The following CRIM1 variants were observed in gnomAD, a reference collection of about 807,000 sequenced individuals.
CRIM1 encodes the protein cysteine-rich motor neuron 1 protein.
Under a neutral mutation model 116.4 loss-of-function variants are expected in CRIM1, and 32 were observed. The ratio of observed to expected loss-of-function variants is 0.27; its 90% CI spans 0.21 to 0.37. The LOEUF (loss-of-function observed/expected upper bound fraction) is 0.37, where lower values mean the gene tolerates loss of function less well. Ranked by LOEUF, CRIM1 falls within the 10% of genes least tolerant of loss-of-function variation. The pLI, the probability that CRIM1 is intolerant of heterozygous loss-of-function variation, is 1.00. For synonymous variants in CRIM1, 590 were observed against 509.2 expected, an observed-to-expected ratio of 1.16 and a Z score of -2.13; for missense variants, 1,331 against 1,354.8, an observed-to-expected ratio of 0.98 and a Z score of 0.28.
At chr2:36,467,883 A>G (rs1389277626) in intron 5 of CRIM1, among the ~76,000 whole-genome samples, 1 of 152,240 alleles carries the variant, frequency 6.6e-6, no homozygotes, top group African/African-American at 2.4e-5. Flanking sequence ...GATTTTTCAT[A>G]TGGAAAGGAA....
At chr2:36,368,031 G>A (rs1048097505) in intron 1 of CRIM1, among the ~76,000 whole-genome samples, 1 of 152,244 alleles carries the variant, frequency 6.6e-6, no homozygotes, top group Non-Finnish European at 1.5e-5. Flanking sequence ...TCTGACACTA[G>A]GAGAGAGTTG....
rs1668773408 is a variant in CRIM1 at position 36,356,096 on chromosome 2, CTCGGGG to C, written c.-192_-187del. On this transcript the variant is annotated 5_prime_UTR_variant, in exon 1 of 17. Coordinates refer to ENST00000280527, the MANE Select transcript of CRIM1 (RefSeq NM_016441.3). This position sits in a 1 kb window ranked among gnomAD's most constrained non-coding sequence, Gnocchi z 4.3. ...TGCCGCCGGCGCCAAGGCTCGTGGGCTCGGGGTCGGCGCGGCCCGCAGAAGGGGCGG... is the reference window on the plus strand; with the variant it reads ...TGCCGCCGGCGCCAAGGCTCGTGGGCTCGGCGCGGCCCGCAGAAGGGGCGG... 6.4e-6 allele frequency: 1 copy of C among 155,850 alleles called. No individual in the cohort carries two copies. Among genetic ancestry groups the C allele is most frequent in the Non-Finnish European group, 1.4e-5 (1 of 71,446 alleles). 9.7% of individuals were successfully genotyped at this position (155,850 alleles called of 1,614,324 possible).
At position 36,533,886 on chromosome 2, in the gene CRIM1, C is replaced by T. The variant is rs115939320; in HGVS notation, c.2429-3466C>T. On this transcript the variant is annotated intron_variant, in intron 13 of 16. Transcript: ENST00000280527. Reference sequence around the variant, plus strand: ...GTCCACGCTCAGTCTAAGTTCTTCCCATCATTATTCTCGTGTGTGGAGAGA... The same window carrying T: ...GTCCACGCTCAGTCTAAGTTCTTCCTATCATTATTCTCGTGTGTGGAGAGA... Among the ~76,000 whole-genome samples, 402 of 150,154 alleles carry T rather than the reference C, an allele frequency of 2.7e-3. No homozygotes were observed. In the Middle Eastern group the frequency reaches 0.041, roughly 15 times the overall value.
chr2:36,544,744 G>A (rs989744237), intron 15 of CRIM1, among the ~76,000 whole-genome samples: 6 of 152,082 alleles, frequency 3.9e-5, no homozygotes, highest in South Asian at 2.1e-4. Flanking sequence ...TTGTGATGAC[G>A]GAAATAAATG....
At chr2:36,528,617 C>T (rs559515833) in intron 13 of CRIM1, among the ~76,000 whole-genome samples, 2 of 152,282 alleles carry the variant, frequency 1.3e-5, no homozygotes, top group East Asian at 3.9e-4. Flanking sequence ...AGATGTATAC[C>T]TCCTGCACAT....
At chr2:36,377,053 C>T (rs1181991656) in intron 1 of CRIM1, among the ~76,000 whole-genome samples, 3 of 152,166 alleles carry the variant, frequency 2.0e-5, no homozygotes, top group Non-Finnish European at 4.4e-5. Context: ...CCTTGCCTCC[C>T]CCCATGTGGG....
intron 7 of CRIM1, among the ~76,000 whole-genome samples, chr2:36,488,994 C>T (rs1014305945): frequency 2.0e-5 from 3 of 152,188 alleles, no homozygotes; most frequent in Non-Finnish European, 2.9e-5. Flanking sequence ...TGTGTGCTTA[C>T]CTCATCCCTG....
intron 2 of CRIM1, among the ~76,000 whole-genome samples, chr2:36,418,236 G>A (rs955525101): frequency 1.3e-5 from 2 of 152,218 alleles, no homozygotes; most frequent in Non-Finnish European, 2.9e-5. Flanking sequence ...GTGCAGGAGT[G>A]CAAGGCCCCA....
chr2:36,469,308 G>A (rs964788812), intron 5 of CRIM1, among the ~76,000 whole-genome samples: 13 of 152,234 alleles, frequency 8.5e-5, no homozygotes, highest in African/African-American at 2.2e-4. Context: ...ACAACTTAGC[G>A]TGTGTTTTTA....
intron 14 of CRIM1, among the ~76,000 whole-genome samples, chr2:36,539,208 A>G (rs1405817724): frequency 6.6e-6 from 1 of 152,158 alleles, no homozygotes; most frequent in Non-Finnish European, 1.5e-5. Flanking sequence ...GCACCTTACC[A>G]ACAAGATGAG....
At chr2:36,501,632 C>T (rs1025706412) in intron 8 of CRIM1, among the ~76,000 whole-genome samples, 1 of 152,056 alleles carries the variant, frequency 6.6e-6, no homozygotes, top group Non-Finnish European at 1.5e-5. Context: ...TAAGGTGGGG[C>T]GATCTCTTGA....
At chr2:36,410,762 C>T (rs1673143191) in intron 2 of CRIM1, among the ~76,000 whole-genome samples, 1 of 152,066 alleles carries the variant, frequency 6.6e-6, no homozygotes, top group East Asian at 1.9e-4. Flanking sequence ...TCCAATCTGC[C>T]TCACAGACCT....
At chr2:36,502,108 A>C (rs1315832984) in intron 8 of CRIM1, among the ~76,000 whole-genome samples, 3 of 152,192 alleles carry the variant, frequency 2.0e-5, no homozygotes, top group Non-Finnish European at 2.9e-5. Flanking sequence ...CATTGTGTCC[A>C]GTCACCTCAC....
At chr2:36,504,420 G>C (rs1033334683) in intron 8 of CRIM1, among the ~76,000 whole-genome samples, 1 of 152,106 alleles carries the variant, frequency 6.6e-6, no homozygotes, top group African/African-American at 2.4e-5. Context: ...AGTCACATTA[G>C]GATTGAAATC....
At chr2:36,444,956 G>T in intron 4 of CRIM1, among the ~76,000 whole-genome samples, 1 of 152,082 alleles carries the variant, frequency 6.6e-6, no homozygotes, top group East Asian at 1.9e-4. Context: ...TCCATCCCCT[G>T]TGTATCTTTT....
At chr2:36,377,961 A>G (rs1161010300) in intron 1 of CRIM1, among the ~76,000 whole-genome samples, 1 of 152,172 alleles carries the variant, frequency 6.6e-6, no homozygotes, top group Non-Finnish European at 1.5e-5. Flanking sequence ...TTTCAGTAAA[A>G]TTTACTGACT....
chr2:36,548,997 G>T lies in CRIM1; in HGVS notation c.*296G>T. On this transcript the variant is annotated 3_prime_UTR_variant, in exon 17 of 17. Coordinates refer to ENST00000280527, the MANE Select transcript of CRIM1 (RefSeq NM_016441.3). ...ATTTGGGGTGGGGACAGTGAGTTTG[G>T]ATGGGGAAATGGGTGGGAGGGTGGT... 5.5e-6 allele frequency: 1 copy of T among 182,388 alleles called. No homozygotes were observed. Among genetic ancestry groups the T allele is most frequent in the Non-Finnish European group, 1.1e-5 (1 of 87,590 alleles). The allele number at this position is 182,388 out of a possible 1,614,324, so 11.3% of individuals were successfully genotyped here. A position where few individuals can be genotyped will look rare whatever the true frequency, so the allele number is the denominator to read the frequency against.
chr2:36,364,091 G>A lies in CRIM1; in HGVS notation c.331+7468G>A, dbSNP rs77219695. Among the ~76,000 whole-genome samples, 1,779 of 152,198 alleles carry A rather than the reference G, an allele frequency of 0.012. 111 individuals carry two copies. In the East Asian group the frequency reaches 0.18, roughly 15 times the overall value. Reference sequence around the variant, plus strand: ...CGGTACCTCCTAGGTTCGCTGTGGGGGTTAAGTGAGATAAAACTGTGCTTC... The same window carrying A: ...CGGTACCTCCTAGGTTCGCTGTGGGAGTTAAGTGAGATAAAACTGTGCTTC... On this transcript the variant is annotated intron_variant, in intron 1 of 16. Coordinates refer to ENST00000280527, the MANE Select transcript of CRIM1 (RefSeq NM_016441.3).
chr2:36,418,067 CTA>C (rs1313262129), intron 2 of CRIM1, among the ~76,000 whole-genome samples: 1 of 152,166 alleles, frequency 6.6e-6, no homozygotes, highest in East Asian at 1.9e-4. Flanking sequence ...TGAGCACTGA[CTA>C]TGCTTTCAAG....
Sources: gnomAD v4.1 joint callset for allele counts (sites outside exome capture counted in the v4.1 genomes callset) on GRCh38, gnomAD v4.1.1 for gene constraint, Gnocchi (gnomAD v3.1) non-coding constraint, MANE v1.5 for transcripts, NCBI Gene and HGNC (gene_info 2026-07-23, HGNC 2026-07-21) for gene names.